Variants in ZMYND8 observed in about 807,000 individuals in gnomAD.
The protein encoded by ZMYND8 is zinc finger MYND-type containing 8.
Under a neutral mutation model 140.8 loss-of-function variants are expected in ZMYND8, and 37 were observed. That is an observed-to-expected ratio of 0.26 (90% CI 0.20 to 0.35). The LOEUF (loss-of-function observed/expected upper bound fraction) is 0.35. Ranked by LOEUF, ZMYND8 falls within the 10% of genes least tolerant of loss-of-function variation. The pLI is 1.00. For missense variants in ZMYND8, 1,068 were observed against 1,570.0 expected, an observed-to-expected ratio of 0.68 and a Z score of 5.40; for synonymous variants, 592 against 597.1, an observed-to-expected ratio of 0.99 and a Z score of 0.12.
chr20:47,256,294 A>C (rs982195808), intron 12 of ZMYND8, among the ~76,000 whole-genome samples: 2 of 151,284 alleles, frequency 1.3e-5, no homozygotes, highest in African/African-American at 4.9e-5. Flanking sequence ...AGCCTGGGAA[A>C]CATAGCGAGA....
chr20:47,257,718 A>C (rs1439669002), intron 12 of ZMYND8, among the ~76,000 whole-genome samples: 1 of 152,246 alleles, frequency 6.6e-6, no homozygotes, highest in Non-Finnish European at 1.5e-5. Flanking sequence ...AATGCCATAT[A>C]CTTATATACC....
At chr20:47,235,307 C>T (rs1025707458) in intron 16 of ZMYND8, among the ~76,000 whole-genome samples, 3 of 152,144 alleles carry the variant, frequency 2.0e-5, no homozygotes, top group Non-Finnish European at 4.4e-5. Flanking sequence ...TTATTATTAC[C>T]ACCGTGGTCT....
chr20:47,252,893 T>C (rs2074303138), intron 12 of ZMYND8, among the ~76,000 whole-genome samples: 1 of 152,184 alleles, frequency 6.6e-6, no homozygotes. Context: ...CACTCCAGAC[T>C]GGGCAAAAGA....
At chr20:47,342,793 G>A (rs1348625602) in intron 2 of ZMYND8, among the ~76,000 whole-genome samples, 1 of 148,286 alleles carries the variant, frequency 6.7e-6, no homozygotes, top group Admixed American at 6.8e-5. Flanking sequence ...GTCACAGTAA[G>A]CTGAGATCAC....
chr20:47,221,222 C>T, intron 20 of ZMYND8, 92 bp downstream of exon 20: 1 of 1,519,484 alleles, frequency 6.6e-7, no homozygotes, highest in Non-Finnish European at 8.9e-7. Context: ...CCTCCCACAA[C>T]ACGGAACTTT....
Position 47,249,313 on chromosome 20 carries a change from G to T in ZMYND8, c.1748C>A (p.Thr583Asn). 6.2e-7 allele frequency: 1 copy of T among 1,614,056 alleles called. No individual in the cohort carries two copies. Among genetic ancestry groups the T allele is most frequent in the Non-Finnish European group, 8.5e-7 (1 of 1,179,992 alleles). ...TAATTGTGCTTTGCAACTCTCTATG[G>T]TCTTGTCAAGATTCAGCTGGAACCT... ...RSRFQLNLDKTIESCKAQLGI... is the reference protein window; with the variant it reads ...RSRFQLNLDKNIESCKAQLGI... The change falls in exon 13 of 23, where the codon ACC becomes AAC. Residue 583 changes from threonine (T) to asparagine (N), a missense_variant. Coordinates refer to ENST00000471951, the MANE Select transcript of ZMYND8 (RefSeq NM_001281775.3).
At chr20:47,276,883 G>C in intron 10 of ZMYND8, 88 bp from the exon 11 acceptor site, 15 of 1,073,794 alleles carry the variant, frequency 1.4e-5, no homozygotes, top group East Asian at 3.0e-5. Context: ...AATTAGCCAA[G>C]CATGTTTGCC....
chr20:47,240,138 G>C (rs1456620462), intron 14 of ZMYND8, among the ~76,000 whole-genome samples: 1 of 152,170 alleles, frequency 6.6e-6, no homozygotes, highest in Non-Finnish European at 1.5e-5. Context: ...CTTGAACCCA[G>C]GAGGCGGAAG....
At chr20:47,339,652 A>G (rs994427477) in intron 2 of ZMYND8, among the ~76,000 whole-genome samples, 1 of 151,392 alleles carries the variant, frequency 6.6e-6, no homozygotes, top group Non-Finnish European at 1.5e-5. Context: ...AATTTTTTGT[A>G]TTTTTAGTAG....
intron 2 of ZMYND8, among the ~76,000 whole-genome samples, chr20:47,347,345 T>C (rs1429148182): frequency 6.6e-6 from 1 of 152,226 alleles, no homozygotes; most frequent in African/African-American, 2.4e-5. Context: ...ATAAATTGTG[T>C]TTGTCCTAAT....
At chr20:47,331,071 G>A (rs1015865024) in intron 2 of ZMYND8, among the ~76,000 whole-genome samples, 1 of 150,808 alleles carries the variant, frequency 6.6e-6, no homozygotes, top group African/African-American at 2.4e-5. Flanking sequence ...GGAGAGAAGT[G>A]GAACACAGAG....
rs1317822879 is a variant in ZMYND8 at position 47,294,922 on chromosome 20, T to A, written c.454-143A>T. 3 of 702,880 alleles carry A rather than the reference T, an allele frequency of 4.3e-6. No homozygotes were observed. In the African/African-American group the frequency reaches 5.4e-5, roughly 13 times the overall value. 43.5% of individuals were successfully genotyped at this position (702,880 alleles called of 1,614,324 possible). On this transcript the variant is annotated intron_variant, in intron 4 of 22. Coordinates refer to ENST00000471951, the MANE Select transcript of ZMYND8 (RefSeq NM_001281775.3). ...ACTTGTTGTTTCACTTAGCAAAGACTCCTGGAACAAAATGTACCAGATCAG... is the reference window on the plus strand; with the variant it reads ...ACTTGTTGTTTCACTTAGCAAAGACACCTGGAACAAAATGTACCAGATCAG...
chr20:47,348,807 A>G (rs1022299024), intron 1 of ZMYND8: 5 of 152,158 alleles, frequency 3.3e-5, no homozygotes, highest in Non-Finnish European at 7.3e-5. Flanking sequence ...AAGCTAAACC[A>G]AAGGGAAAAA....
Position 47,291,837 on chromosome 20 carries a change from C to A in ZMYND8, c.619G>T (p.Glu207Ter). The A allele has an allele frequency of 6.2e-7, 1 of 1,613,444 alleles. No individual in the cohort carries two copies. The highest frequency in any genetic ancestry group is 1.1e-5 in the South Asian group (1 of 90,854). The change falls in exon 6 of 23, where the codon GAA becomes TAA. Residue 207 changes from glutamate (E) to a stop codon, truncating the protein, a stop_gained. Transcript: ENST00000471951. LOFTEE classifies it high-confidence loss of function. Reference sequence around the variant, plus strand: ...AGGTCCATTGGATGGAAGATGTATTCCGCATAGTCAGGGTGCTGTTCCAAT... The same window carrying A: ...AGGTCCATTGGATGGAAGATGTATTACGCATAGTCAGGGTGCTGTTCCAAT... ...VPLEQHPDYA[E>*]YIFHPMDLCT...
intron 12 of ZMYND8, among the ~76,000 whole-genome samples, chr20:47,251,019 CTT>C (rs922263446): frequency 1.4e-5 from 2 of 138,550 alleles, no homozygotes; most frequent in African/African-American, 5.8e-5. Context: ...CAGAGCAAGA[CTT>C]TTTTTTTTTG....
chr20:47,356,357 A>C, intron 1 of ZMYND8: 9 of 1,491,370 alleles, frequency 6.0e-6, no homozygotes, highest in Non-Finnish European at 8.0e-6. Context: ...GAAGGAAAAA[A>C]AAAAGCTTCT....
At chr20:47,330,672 G>A (rs143976524) in intron 2 of ZMYND8, among the ~76,000 whole-genome samples, 7 of 152,246 alleles carry the variant, frequency 4.6e-5, no homozygotes, top group African/African-American at 7.2e-5. Flanking sequence ...AAGGAAGACA[G>A]GCCACCAGTC....
chr20:47,274,522 T>C (rs1260780428), intron 11 of ZMYND8, among the ~76,000 whole-genome samples: 1 of 152,226 alleles, frequency 6.6e-6, no homozygotes, highest in East Asian at 1.9e-4. Context: ...GTACCATGTT[T>C]TGTGAACTTG....
intron 1 of ZMYND8, among the ~76,000 whole-genome samples, chr20:47,350,790 G>T (rs766369325): frequency 1.3e-5 from 2 of 152,084 alleles, no homozygotes; most frequent in Non-Finnish European, 2.9e-5. Context: ...AAAACAATGG[G>T]ACAACAAGCT....
Sources: allele counts gnomAD v4.1 joint callset (sites outside exome capture counted in the v4.1 genomes callset), GRCh38; gene constraint gnomAD v4.1.1; transcripts MANE v1.5; gene names NCBI Gene and HGNC (gene_info 2026-07-23, HGNC 2026-07-21).